Variants in PYGM observed in about 807,000 individuals in gnomAD.
PYGM encodes the protein glycogen phosphorylase, muscle form.
Under a neutral mutation model 99.3 loss-of-function variants are expected in PYGM, and 81 were observed. The observed-to-expected ratio is 0.82, with a 90% CI of 0.68 to 0.98. The LOEUF (loss-of-function observed/expected upper bound fraction) is 0.98, where lower values mean the gene tolerates loss of function less well. PYGM is among the 50% of genes least tolerant of loss of function. The pLI is 0.00. For missense variants in PYGM, 1,030 were observed against 1,158.1 expected (o/e 0.89, Z 1.61); for synonymous variants, 436 against 451.5 (o/e 0.97, Z 0.44).
chr11:64,747,903 T>C (rs2058326314), intron 17 of PYGM: 1 of 181,414 alleles, frequency 5.5e-6, no homozygotes, highest in African/African-American at 2.4e-5. Context: ...TAGCCGGGCA[T>C]GGTGTCGTGT....
At position 64,759,672 on chromosome 11, in the gene PYGM, T is replaced by C; in HGVS notation, c.227A>G (p.Tyr76Cys). ...GRWIRTQQHY[Y>C]EKDPKRIYYL... is the part of the protein sequence containing the mutation. ...CAGCAGCACCTTGGGGTCCTTCTCA[T>C]AGTAGTGCTGCTGCGTGCGGATCCA... Residue 76 changes from tyrosine (Y) to cysteine (C), a missense_variant, in exon 1 of 20, where the codon TAT (tyrosine) becomes TGT (cysteine). Tyr to Cys is a radical substitution (Grantham distance 194). Coordinates refer to ENST00000164139, the MANE Select transcript of PYGM (RefSeq NM_005609.4). The C allele has an allele frequency of 6.2e-7, 1 of 1,613,766 alleles. No homozygotes were observed. Among genetic ancestry groups the C allele is most frequent in the East Asian group, 2.2e-5 (1 of 44,864 alleles).
rs775978754 is a variant in PYGM, at chr11:64,753,539, G to C, written c.1383C>G (p.Ser461=). 6.3e-7 allele frequency: 1 copy of C among 1,596,528 alleles called. No homozygotes were observed. Among genetic ancestry groups the C allele is most frequent in the Non-Finnish European group, 8.5e-7 (1 of 1,174,950 alleles). The change falls in exon 11 of 20, where the codon TCC becomes TCG. Residue 461 remains serine (S), a synonymous_variant. Transcript: ENST00000164139. ...HAVNGVARIH[S]EILKKTIFKD... ...CTCACATGGTCTTCTTGAGGATCTC[G>C]GAGTGGATGCGCGCCACGCCGTTGA...
intron 12 of PYGM, among the ~76,000 whole-genome samples, chr11:64,752,830 T>A (rs2058365984): frequency 1.3e-5 from 2 of 152,242 alleles, no homozygotes; most frequent in Non-Finnish European, 2.9e-5. Context: ...ATGTGACCCA[T>A]GGATGACTCC....
At chr11:64,750,293 T>C in intron 17 of PYGM, 83 bp downstream of exon 17, 2 of 1,512,128 alleles carry the variant, frequency 1.3e-6, no homozygotes, top group Non-Finnish European at 1.8e-6. Context: ...GACCAGTCTT[T>C]CCAGACGTGC....
At chr11:64,757,400 T>C (rs1022233890) in intron 5 of PYGM, among the ~76,000 whole-genome samples, 1 of 152,146 alleles carries the variant, frequency 6.6e-6, no homozygotes, top group Non-Finnish European at 1.5e-5. Context: ...GTGTGATGAG[T>C]GAATTCCTTT....
In PYGM at chr11:64,753,576, C is replaced by G. The variant is rs749805338; in HGVS notation, c.1346G>C (p.Gly449Ala). The G allele has an allele frequency of 1.2e-6, 2 of 1,605,408 alleles. No homozygotes were observed. Among genetic ancestry groups the G allele is most frequent in the Admixed American group, 3.4e-5 (2 of 59,504 alleles). Reference sequence around the variant, plus strand: ...CGCCACGCCGTTGACGGCGTGCGACCCCGCGATGCACAGGTGTGCCATGTT... The same window carrying G: ...CGCCACGCCGTTGACGGCGTGCGACGCCGCGATGCACAGGTGTGCCATGTT... ...RINMAHLCIA[G>A]SHAVNGVARI... The change falls in exon 11 of 20, where the codon GGG (glycine) becomes GCG (alanine). Residue 449 changes from glycine (G) to alanine (A), a missense_variant. Physicochemically the swap from Gly to Ala is moderately conservative, Grantham distance 60. Coordinates refer to ENST00000164139, the MANE Select transcript of PYGM (RefSeq NM_005609.4).
chr11:64,753,401 GA>G, intron 11 of PYGM, 117 bp downstream of exon 11: 1 of 1,411,910 alleles, frequency 7.1e-7, no homozygotes, highest in Non-Finnish European at 9.6e-7. Context: ...CGCCACCTGT[GA>G]AAGGCGCCAG....
rs750700202 is a variant in PYGM, at chr11:64,753,640, G to C, written c.1282C>G (p.Arg428Gly). ...GCGCCCTCCTCCACCAGCGACATGCGCCGCAGCCGGTCTACGTCCCCTGGG... is the reference window on the plus strand; with the variant it reads ...GCGCCCTCCTCCACCAGCGACATGCCCCGCAGCCGGTCTACGTCCCCTGGG... ...AFPGDVDRLR[R>G]MSLVEEGAVK... The change falls in exon 11 of 20, where the codon CGC (arginine) becomes GGC (glycine). Residue 428 changes from arginine to glycine, a missense_variant. Arg to Gly is a moderately radical substitution (Grantham distance 125). Coordinates refer to ENST00000164139, the MANE Select transcript of PYGM (RefSeq NM_005609.4). 2.5e-6 allele frequency: 4 copies of C among 1,608,460 alleles called. No individual in the cohort carries two copies. Among genetic ancestry groups the C allele is most frequent in the Non-Finnish European group, 1.7e-6 (2 of 1,179,304 alleles).
At chr11:64,751,695 C>T (rs374223531) in intron 14 of PYGM, 40 bp from the exon 15 acceptor site, 3 of 1,610,906 alleles carry the variant, frequency 1.9e-6, no homozygotes, top group Admixed American at 3.3e-5. Context: ...CCTACCTTTC[C>T]CTCTGGGTAG....
chr11:64,758,401 T>A (rs1452898973), intron 3 of PYGM, 36 bp downstream of exon 3: 9 of 1,613,170 alleles, frequency 5.6e-6, no homozygotes, highest in Non-Finnish European at 6.8e-6. Context: ...GAGGACCCCA[T>A]CGGCCCACTC....
rs995252038 is a variant in PYGM at position 64,757,993 on chromosome 11, G to A, written c.529-83C>T. 31 of 1,574,010 alleles carry A rather than the reference G, an allele frequency of 2.0e-5. No homozygotes were observed. In the East Asian group the frequency reaches 5.4e-4, roughly 28 times the overall value. ...TGCACGGTGGGGCAGGGTGGGGGCC[G>A]TGGGCCGGTGTACCCTACACCAAGT... On this transcript the variant is annotated intron_variant, in intron 4 of 19. Transcript: ENST00000164139.
chr11:64,756,022 C>A lies in PYGM; in HGVS notation c.661-464G>T, dbSNP rs547066. Among the ~76,000 whole-genome samples the A allele has an allele frequency of 0.1, 15,794 of 152,282 alleles. 1,293 individuals are homozygous for A. The highest frequency in any genetic ancestry group is 0.35 in the East Asian group (1,815 of 5,174). ...TCTGGTTGACCACAGGGCTAATTCACGGTGACTAATTCTGCCCCGCCTTCC... is the reference window on the plus strand; with the variant it reads ...TCTGGTTGACCACAGGGCTAATTCAAGGTGACTAATTCTGCCCCGCCTTCC... On this transcript the variant is annotated intron_variant, in intron 5 of 19. Transcript: ENST00000164139.
chr11:64,753,917 G>A lies in PYGM; in HGVS notation c.1201C>T (p.Leu401Phe), dbSNP rs754552811. 1.9e-6 allele frequency: 3 copies of A among 1,591,026 alleles called. No homozygotes were observed. The highest frequency in any genetic ancestry group is 2.7e-5 in the African/African-American group (2 of 74,436). ...TGGTTGATCTCGTAGATGATCTGGAGGTGCCGCGGCAGCAGCGTCTCCAAG... is the reference window on the plus strand; with the variant it reads ...TGGTTGATCTCGTAGATGATCTGGAAGTGCCGCGGCAGCAGCGTCTCCAAG... ...HLLETLLPRH[L>F]QIIYEINQRF... Residue 401 changes from leucine (L) to phenylalanine (F), a missense_variant, in exon 10 of 20, where the codon CTC becomes TTC. By Grantham distance (22) the Leu-to-Phe change is conservative. Coordinates refer to ENST00000164139, the MANE Select transcript of PYGM (RefSeq NM_005609.4).
intron 10 of PYGM, 47 bp from the exon 11 acceptor site, chr11:64,753,729 TCCCCAGTCCCCAG>T: frequency 6.5e-7 from 1 of 1,548,604 alleles, no homozygotes; most frequent in Non-Finnish European, 8.7e-7. Context: ...GGAACCCCCA[TCCCCAGTCCCCAG>T]CCCCACACCC....
Position 64,752,419 on chromosome 11 carries a change from A to G in PYGM, c.1604T>C (p.Val535Ala), listed in dbSNP as rs777370585. ...TCTCCCCACCTGCTTCACTTTGGCC[A>G]CATCCCGAATGAAAGCTTCATCATC... ...FVDDEAFIRD[V>A]AKVKQENKLK... The change falls in exon 13 of 20, where the codon GTG becomes GCG. Residue 535 changes from valine to alanine, a missense_variant. By Grantham distance (64) the Val-to-Ala change is moderately conservative. Transcript: ENST00000164139. 6.2e-7 allele frequency: 1 copy of G among 1,614,190 alleles called. No homozygotes were observed. The highest frequency in any genetic ancestry group is 1.1e-5 in the South Asian group (1 of 91,086).
At chr11:64,760,010 C>T, upstream of PYGM, 1 of 1,501,734 alleles carries the variant, frequency 6.7e-7, no homozygotes, top group South Asian at 1.3e-5. Context: ...TAAAGCCTGG[C>T]TCTGGGCAGC....
At chr11:64,760,412 TGAGA>T (rs989213750), upstream of PYGM, 1 of 177,958 alleles carries the variant, frequency 5.6e-6, no homozygotes, top group Non-Finnish European at 1.2e-5. Context: ...TGGATGTCTT[TGAGA>T]AAGGGGCCCA....
intron 5 of PYGM, among the ~76,000 whole-genome samples, chr11:64,756,974 A>T (rs947152489): frequency 4.0e-5 from 6 of 150,034 alleles, no homozygotes; most frequent in Non-Finnish European, 7.4e-5. Context: ...AATTTTTTAA[A>T]TTTTTTTTTT....
chr11:64,753,161 G>A lies in PYGM; in HGVS notation c.1430C>T (p.Pro477Leu), dbSNP rs777581367. 21 of 1,613,300 alleles carry A rather than the reference G, an allele frequency of 1.3e-5. No homozygotes were observed. The highest frequency in any genetic ancestry group is 1.8e-5 in the Non-Finnish European group (21 of 1,179,364). ...TIFKDFYELE[P>L]HKFQNKTNGI... is the part of the protein sequence containing the mutation. ...GTTGGTCTTATTCTGGAACTTATGA[G>A]GCTCCAGCTCATAGAAGTCTTTGAA... The change falls in exon 12 of 20, where the codon CCT (proline) becomes CTT (leucine). Residue 477 changes from proline to leucine, a missense_variant. Physicochemically the swap from Pro to Leu is moderately conservative, Grantham distance 98. Transcript: ENST00000164139.
Sources: gnomAD v4.1 joint callset for allele counts (sites outside exome capture counted in the v4.1 genomes callset) on GRCh38, gnomAD v4.1.1 for gene constraint, MANE v1.5 for transcripts, NCBI Gene and HGNC (gene_info 2026-07-23, HGNC 2026-07-21) for gene names.